CSNK1G3: variants seen among roughly 807,000 people sequenced by gnomAD.
CSNK1G3 encodes casein kinase 1 gamma 3.
Under a neutral mutation model 64.3 loss-of-function variants are expected in CSNK1G3, and 23 were observed. The ratio of observed to expected loss-of-function variants is 0.36; its 90% CI spans 0.26 to 0.51. The LOEUF is 0.51. Ranked by LOEUF, CSNK1G3 falls within the 20% of genes least tolerant of loss-of-function variation. The probability of loss-of-function intolerance (pLI) is 0.96; values close to 1 mark genes in which losing one functional copy is unlikely to be tolerated. For missense variants in CSNK1G3, 357 were observed against 510.5 expected (o/e 0.70, Z 2.90); for synonymous variants, 158 against 162.2 (o/e 0.97, Z 0.20).
At chr5:123,551,999 A>G (rs974438905) in intron 2 of CSNK1G3, among the ~76,000 whole-genome samples, 10 of 152,146 alleles carry the variant, frequency 6.6e-5, no homozygotes, top group African/African-American at 1.9e-4. Context: ...ATGCTGACCA[A>G]TTGGAATTTT....
chr5:123,519,882 A>T (rs565351962), intron 1 of CSNK1G3, among the ~76,000 whole-genome samples: 1 of 152,236 alleles, frequency 6.6e-6, no homozygotes, highest in South Asian at 2.1e-4. Context: ...TTAGGAGGCC[A>T]TAATAATCTT....
At chr5:123,605,417 AT>A in intron 12 of CSNK1G3, 55 bp downstream of exon 13, 4 of 1,573,844 alleles carry the variant, frequency 2.5e-6, no homozygotes, top group Non-Finnish European at 3.5e-6. Flanking sequence ...AATTTCAAAG[AT>A]TTAGCATCAT....
chr5:123,529,827 G>A (rs1779645307), intron 1 of CSNK1G3, among the ~76,000 whole-genome samples: 1 of 152,072 alleles, frequency 6.6e-6, no homozygotes, highest in Non-Finnish European at 1.5e-5. Context: ...TAAATGCTTA[G>A]GAGGGTGTGC....
intron 1 of CSNK1G3, among the ~76,000 whole-genome samples, chr5:123,530,219 C>T (rs1371053742): frequency 6.6e-6 from 1 of 151,860 alleles, no homozygotes; most frequent in Non-Finnish European, 1.5e-5. Context: ...CATAAAAAGA[C>T]ATTTTGAGGA....
At chr5:123,535,243 G>A (rs971930429) in intron 1 of CSNK1G3, among the ~76,000 whole-genome samples, 13 of 152,046 alleles carry the variant, frequency 8.6e-5, no homozygotes, top group Admixed American at 3.9e-4. Flanking sequence ...ACAAATTAGC[G>A]TGGATTCCTA....
intron 1 of CSNK1G3, among the ~76,000 whole-genome samples, chr5:123,515,781 T>C (rs552116344): frequency 3.3e-5 from 5 of 152,312 alleles, no homozygotes; most frequent in East Asian, 1.9e-4. Context: ...AAAGGACTTA[T>C]AACTGAATTT....
chr5:123,610,391 T>C (rs1407571515), intron 12 of CSNK1G3, among the ~76,000 whole-genome samples: 1 of 152,054 alleles, frequency 6.6e-6, no homozygotes, highest in Non-Finnish European at 1.5e-5. Context: ...TTCTAGGAGG[T>C]ACCAACAGTC....
At chr5:123,518,285 G>C (rs934643049) in intron 1 of CSNK1G3, among the ~76,000 whole-genome samples, 2 of 152,262 alleles carry the variant, frequency 1.3e-5, no homozygotes, top group Non-Finnish European at 2.9e-5. Flanking sequence ...AGGAAGTCCA[G>C]GTTGGAGAAG....
At position 123,561,549 on chromosome 5, in the gene CSNK1G3, G is replaced by C. The variant is rs540240285; in HGVS notation, c.289+3985G>C. 2.0e-5 allele frequency among the ~76,000 whole-genome samples: 3 copies of C among 152,154 alleles called. No homozygotes were observed. In the South Asian group the frequency reaches 6.2e-4, roughly 32 times the overall value. On this transcript the variant is annotated intron_variant, in intron 4 of 12. Transcript: ENST00000345990. ...CAGCTGCTCAAAAGTAAGGAACCAG[G>C]CTCCTAACCTTGGTGTGTGGCTTCA...
At chr5:123,568,199 A>G (rs187583743) in intron 4 of CSNK1G3, among the ~76,000 whole-genome samples, 79 of 152,242 alleles carry the variant, frequency 5.2e-4, no homozygotes, top group Admixed American at 4.0e-3. Flanking sequence ...GGTGCATCTC[A>G]TTGATTTGCT....
At chr5:123,515,942 T>G (rs1234919081) in intron 1 of CSNK1G3, among the ~76,000 whole-genome samples, 1 of 152,198 alleles carries the variant, frequency 6.6e-6, no homozygotes, top group African/African-American at 2.4e-5. Context: ...CTTCTAGAGT[T>G]TAAATAATGT....
chr5:123,575,362 A>T (rs898751230), intron 5 of CSNK1G3, among the ~76,000 whole-genome samples: 1 of 152,206 alleles, frequency 6.6e-6, no homozygotes, highest in African/African-American at 2.4e-5. Flanking sequence ...AAGGAAGATT[A>T]TATTGCAATG....
At chr5:123,540,309 A>C (rs144312380) in intron 1 of CSNK1G3, among the ~76,000 whole-genome samples, 11 of 151,680 alleles carry the variant, frequency 7.3e-5, no homozygotes, top group African/African-American at 2.4e-4. Context: ...GCTCATTAAG[A>C]CTACATTTTT....
intron 12 of CSNK1G3, among the ~76,000 whole-genome samples, chr5:123,613,702 A>T (rs536068927): frequency 4.6e-5 from 7 of 152,182 alleles, no homozygotes; most frequent in African/African-American, 1.4e-4. Context: ...AATAAAAGTC[A>T]GTATTATATT....
At chr5:123,522,597 A>G (rs1778319818) in intron 1 of CSNK1G3, among the ~76,000 whole-genome samples, 2 of 151,952 alleles carry the variant, frequency 1.3e-5, no homozygotes, top group African/African-American at 4.8e-5. Flanking sequence ...ACCTTCCCCT[A>G]TTCTTTAGGT....
chr5:123,594,124 A>G lies in CSNK1G3; in HGVS notation c.1086+2710A>G, dbSNP rs527615065. On this transcript the variant is annotated intron_variant, in intron 10 of 12. Coordinates refer to ENST00000345990, the Ensembl canonical transcript of CSNK1G3. Reference sequence around the variant, plus strand: ...TCAGTAAAAGTGGATGATAATATCTACCTCAAAATATGGTAATATATAAAG... The same window carrying G: ...TCAGTAAAAGTGGATGATAATATCTGCCTCAAAATATGGTAATATATAAAG... Among the ~76,000 whole-genome samples the G allele has an allele frequency of 1.2e-3, 177 of 152,244 alleles. 6 individuals carry two copies. In the South Asian group the frequency reaches 0.036, roughly 31 times the overall value.
intron 8 of CSNK1G3, among the ~76,000 whole-genome samples, chr5:123,588,870 A>G (rs1253940393): frequency 1.3e-5 from 2 of 152,158 alleles, no homozygotes; most frequent in Non-Finnish European, 2.9e-5. Flanking sequence ...CAAAGGAGGT[A>G]TGTGAAGTAT....
chr5:123,525,939 A>G (rs1224364260), intron 1 of CSNK1G3, among the ~76,000 whole-genome samples: 1 of 151,118 alleles, frequency 6.6e-6, no homozygotes, highest in Non-Finnish European at 1.5e-5. Context: ...CGGAGCTTGC[A>G]GTGAGCCAAG....
At chr5:123,603,522 A>G (rs1490094878) in intron 10 of CSNK1G3, among the ~76,000 whole-genome samples, 1 of 152,120 alleles carries the variant, frequency 6.6e-6, no homozygotes, top group Non-Finnish European at 1.5e-5. Flanking sequence ...GTAGGGATGG[A>G]TGTCAAGAAA....
Sources: gnomAD v4.1 joint callset for allele counts (sites outside exome capture counted in the v4.1 genomes callset) on GRCh38, gnomAD v4.1.1 for gene constraint, MANE v1.5 for transcripts, NCBI Gene and HGNC (gene_info 2026-07-23, HGNC 2026-07-21) for gene names.